ADGRB3: variants seen among roughly 807,000 people sequenced by gnomAD.
The protein encoded by ADGRB3 is brain-specific angiogenesis inhibitor 3.
In ADGRB3, 37 loss-of-function variants were observed where a neutral mutation model predicts 193.4. The observed-to-expected ratio is 0.19, with a 90% CI of 0.15 to 0.25. ADGRB3 has a LOEUF of 0.25. ADGRB3 is among the 10% of genes least tolerant of loss of function. The pLI, the probability that ADGRB3 is intolerant of heterozygous loss-of-function variation, is 1.00. For synonymous variants in ADGRB3, 690 were observed against 644.2 expected (o/e 1.07, Z -1.08); for missense variants, 1,637 against 1,852.9 (o/e 0.88, Z 2.14).
At chr6:68,656,837 G>T (rs1768500740) in intron 3 of ADGRB3, among the ~76,000 whole-genome samples, 1 of 151,524 alleles carries the variant, frequency 6.6e-6, no homozygotes, top group Non-Finnish European at 1.5e-5. Context: ...TTGGTTCATA[G>T]AAAATATGAA....
chr6:69,200,130 TA>T (rs3048267), intron 17 of ADGRB3, among the ~76,000 whole-genome samples: 67 of 148,806 alleles, frequency 4.5e-4, no homozygotes, highest in East Asian at 4.1e-3. Flanking sequence ...AAGTTTTAAT[TA>T]AAAAAAAAAC....
At chr6:68,947,678 A>C (rs1767809379) in intron 6 of ADGRB3, among the ~76,000 whole-genome samples, 1 of 152,130 alleles carries the variant, frequency 6.6e-6, no homozygotes, top group Non-Finnish European at 1.5e-5. Flanking sequence ...TCTTCAGTTT[A>C]TTCATCTGTA....
intron 20 of ADGRB3, among the ~76,000 whole-genome samples, chr6:69,257,002 C>T (rs1371737238): frequency 1.3e-5 from 2 of 152,024 alleles, no homozygotes; most frequent in Non-Finnish European, 2.9e-5. Flanking sequence ...TGCTGGATTA[C>T]ATTTATTGAT....
chr6:68,930,694 A>T (rs775705525), intron 4 of ADGRB3, 25 bp downstream of exon 4: 2 of 1,475,324 alleles, frequency 1.4e-6, no homozygotes, highest in African/African-American at 2.8e-5. Context: ...ACATTTTTCT[A>T]TTTATTGTTG....
Position 68,977,484 on chromosome 6 carries a change from G to A in ADGRB3, c.1734+2144G>A, listed in dbSNP as rs532872580. ...TGCAGAAAATTTTCACTTTCCAAAT[G>A]TACTGTTTTGTACTGCAACATTTAA... On this transcript the variant is annotated intron_variant, in intron 10 of 31. Transcript: ENST00000370598. 2.0e-5 allele frequency among the ~76,000 whole-genome samples: 3 copies of A among 152,188 alleles called. No homozygotes were observed. In the South Asian group the frequency reaches 6.2e-4, roughly 32 times the overall value.
intron 17 of ADGRB3, among the ~76,000 whole-genome samples, chr6:69,157,608 G>C (rs895128127): frequency 6.6e-6 from 1 of 151,980 alleles, no homozygotes; most frequent in Non-Finnish European, 1.5e-5. Context: ...ATGTATGTGT[G>C]GCAGAGGGGG....
At chr6:69,228,215 C>T (rs1013087196) in intron 17 of ADGRB3, among the ~76,000 whole-genome samples, 3 of 152,142 alleles carry the variant, frequency 2.0e-5, no homozygotes, top group African/African-American at 4.8e-5. Context: ...CGAGATTGCA[C>T]CACTGCATTC....
intron 12 of ADGRB3, among the ~76,000 whole-genome samples, chr6:69,014,860 A>G (rs1263352051): frequency 6.6e-6 from 1 of 152,016 alleles, no homozygotes; most frequent in Admixed American, 6.6e-5. Flanking sequence ...AAAAGAATGA[A>G]CATTTACTGA....
At chr6:68,900,682 A>AG (rs1766369954) in intron 3 of ADGRB3, among the ~76,000 whole-genome samples, 1 of 152,138 alleles carries the variant, frequency 6.6e-6, no homozygotes, top group African/African-American at 2.4e-5. Flanking sequence ...ATATGAACTC[A>AG]TTGACAGCAA....
intron 17 of ADGRB3, among the ~76,000 whole-genome samples, chr6:69,196,909 T>A (rs1765310518): frequency 3.3e-5 from 5 of 152,112 alleles, no homozygotes; most frequent in Admixed American, 3.3e-4. Flanking sequence ...GGGTCAGACA[T>A]ATCAGAATTT....
Position 69,219,461 on chromosome 6 carries a change from GTATATATATATATA to G in ADGRB3, c.2481-13810_2481-13797del, listed in dbSNP as rs3839475. Among the ~76,000 whole-genome samples, 633 of 98,958 alleles carry G rather than the reference GTATATATATATATA, an allele frequency of 6.4e-3. 9 individuals are homozygous for G. The highest frequency in any genetic ancestry group is 0.021 in the East Asian group (68 of 3,278). The allele number at this position is 98,958 out of a possible 152,430, so 64.9% of individuals were successfully genotyped here. On this transcript the variant is annotated intron_variant, in intron 17 of 31. Transcript: ENST00000370598. ...CTTTAACTTAAAAATACACACACAC[GTATATATATATATA>G]TATATATATATATATATACGTGTGT...
At position 68,777,336 on chromosome 6, in the gene ADGRB3, C is replaced by A. The variant is rs1766766714; in HGVS notation, c.757+137904C>A. Among the ~76,000 whole-genome samples, 3 of 151,988 alleles carry A rather than the reference C, an allele frequency of 2.0e-5. No homozygotes were observed. The South Asian group carries it at 6.2e-4, about 32-fold the overall frequency. Reference sequence around the variant, plus strand: ...AAACGTCAACATTTTGGTTACATATCCTAAATAGAAAAAGATGCCTGACCC... The same window carrying A: ...AAACGTCAACATTTTGGTTACATATACTAAATAGAAAAAGATGCCTGACCC... On this transcript the variant is annotated intron_variant, in intron 3 of 31. Transcript: ENST00000370598.
intron 3 of ADGRB3, among the ~76,000 whole-genome samples, chr6:68,694,485 G>C (rs754606888): frequency 2.1e-4 from 32 of 151,850 alleles, no homozygotes; most frequent in Non-Finnish European, 4.0e-4. Flanking sequence ...AGTGAGGTGG[G>C]GGGAGGTGTG....
intron 17 of ADGRB3, among the ~76,000 whole-genome samples, chr6:69,213,605 G>A (rs756033507): frequency 6.6e-6 from 1 of 152,060 alleles, no homozygotes; most frequent in Non-Finnish European, 1.5e-5. Context: ...TCCATCTCTA[G>A]CAAAAGTACA....
At chr6:68,866,707 G>A (rs1765306120) in intron 3 of ADGRB3, among the ~76,000 whole-genome samples, 1 of 152,190 alleles carries the variant, frequency 6.6e-6, no homozygotes, top group Non-Finnish European at 1.5e-5. Flanking sequence ...TCCAGACTGA[G>A]ATAGTCTCAG....
At chr6:68,704,663 T>C (rs932482501) in intron 3 of ADGRB3, among the ~76,000 whole-genome samples, 7 of 152,226 alleles carry the variant, frequency 4.6e-5, no homozygotes, top group Non-Finnish European at 8.8e-5. Context: ...CCAGTTTAAT[T>C]GGAGTCCACA....
intron 17 of ADGRB3, among the ~76,000 whole-genome samples, chr6:69,083,963 C>T (rs889419060): frequency 1.2e-4 from 18 of 151,850 alleles, no homozygotes; most frequent in Admixed American, 3.3e-4. Flanking sequence ...TTAGTATAGA[C>T]GCAGTTTCAC....
chr6:68,844,400 A>G (rs1582247967), intron 3 of ADGRB3, among the ~76,000 whole-genome samples: 1 of 152,228 alleles, frequency 6.6e-6, no homozygotes, highest in East Asian at 1.9e-4. Context: ...CAAAATACAA[A>G]GACATCCATT....
chr6:68,716,198 T>G (rs1765486728), intron 3 of ADGRB3, among the ~76,000 whole-genome samples: 1 of 151,774 alleles, frequency 6.6e-6, no homozygotes, highest in African/African-American at 2.4e-5. Flanking sequence ...GCTTTTTTCA[T>G]GTAAATGTCT....
Sources: gnomAD v4.1 joint callset for allele counts (sites outside exome capture counted in the v4.1 genomes callset) on GRCh38, gnomAD v4.1.1 for gene constraint, MANE v1.5 for transcripts, NCBI Gene and HGNC (gene_info 2026-07-23, HGNC 2026-07-21) for gene names.